Variants in CPLANE1 observed in about 807,000 individuals in gnomAD.
CPLANE1 encodes the protein ciliogenesis and planar polarity effector complex subunit 1.
CPLANE1 carries 263 observed loss-of-function variants against 362.5 expected under a neutral mutation model. That is an observed-to-expected ratio of 0.73 (90% CI 0.66 to 0.80). The LOEUF is 0.80. Ranked by LOEUF, CPLANE1 falls within the 30% of genes least tolerant of loss-of-function variation. CPLANE1 has a pLI of 0.00. For synonymous variants in CPLANE1, 1,212 were observed against 1,302.6 expected (o/e 0.93, Z 1.50); for missense variants, 3,461 against 3,793.4 (o/e 0.91, Z 2.30).
At chr5:37,078,282 T>C in the CPLANE1 span, among the ~76,000 whole-genome samples, 13 of 152,290 alleles carry the variant, frequency 8.5e-5, no homozygotes, top group Admixed American at 5.9e-4. Flanking sequence ...CACTTATAAG[T>C]GAGAATATGC....
At chr5:37,175,253 G>C (rs1448564563) in intron 31 of CPLANE1, among the ~76,000 whole-genome samples, 1 of 152,192 alleles carries the variant, frequency 6.6e-6, no homozygotes, top group Admixed American at 6.5e-5. Context: ...CTGAGCTGTA[G>C]GTACAGCTGG....
the CPLANE1 span, among the ~76,000 whole-genome samples, chr5:37,081,203 T>A: frequency 6.3e-4 from 95 of 151,866 alleles, no homozygotes; most frequent in African/African-American, 2.1e-3. Context: ...TGACCCAGAG[T>A]CCAGAGAAAA....
intron 43 of CPLANE1, among the ~76,000 whole-genome samples, chr5:37,147,206 G>T (rs572016158): frequency 6.6e-6 from 1 of 152,184 alleles, no homozygotes; most frequent in Admixed American, 6.5e-5. Context: ...AAAATGTTTG[G>T]CCTCTTCAAA....
rs111314334 is a variant in CPLANE1 at position 37,242,677 on chromosome 5, T to G, written c.677+336A>C. 0.013 allele frequency among the ~76,000 whole-genome samples: 2,013 copies of G among 152,226 alleles called. 45 individuals carry two copies. Among genetic ancestry groups the G allele is most frequent in the African/African-American group, 0.045 (1,884 of 41,530 alleles). On this transcript the variant is annotated intron_variant, in intron 6 of 52. Coordinates refer to ENST00000651892, the MANE Select transcript of CPLANE1 (RefSeq NM_001384732.1). ...TCAGAACTTGAAACTCACAATAACA[T>G]TTACAAATTTTATTACATGTATATG...
At chr5:37,086,441 T>C in the CPLANE1 span, among the ~76,000 whole-genome samples, 1 of 152,208 alleles carries the variant, frequency 6.6e-6, no homozygotes, top group Non-Finnish European at 1.5e-5. Flanking sequence ...ACAAACCTTC[T>C]TGGAAGGCCA....
At chr5:37,216,719 T>C (rs1386537518) in intron 15 of CPLANE1, among the ~76,000 whole-genome samples, 3 of 152,206 alleles carry the variant, frequency 2.0e-5, no homozygotes, top group Non-Finnish European at 4.4e-5. Flanking sequence ...CATTCACAAA[T>C]TTGAAAATAA....
At chr5:37,224,183 G>T (rs1795952797) in intron 14 of CPLANE1, 70 bp downstream of exon 14, 2 of 1,013,626 alleles carry the variant, frequency 2.0e-6, no homozygotes, top group Non-Finnish European at 2.9e-6. Flanking sequence ...TAGAATTACT[G>T]TTAAGGTCTA....
intron 46 of CPLANE1, among the ~76,000 whole-genome samples, chr5:37,134,631 G>A (rs75277534): frequency 2.0e-5 from 3 of 151,800 alleles, no homozygotes; most frequent in Admixed American, 6.6e-5. Flanking sequence ...TTTGGTTCTC[G>A]ATTTTGTTCA....
chr5:37,143,867 A>C (rs1770559380), intron 43 of CPLANE1, among the ~76,000 whole-genome samples: 2 of 151,260 alleles, frequency 1.3e-5, no homozygotes, highest in Non-Finnish European at 2.9e-5. Flanking sequence ...CCTGCGAGGC[A>C]GGGGATGTGG....
intron 34 of CPLANE1, 32 bp downstream of exon 34, chr5:37,168,759 T>C: frequency 6.4e-7 from 1 of 1,567,942 alleles, no homozygotes; most frequent in Non-Finnish European, 8.7e-7. Flanking sequence ...TGCAGGACAC[T>C]GCTTTTGCAT....
intron 46 of CPLANE1, among the ~76,000 whole-genome samples, chr5:37,126,842 GT>G (rs946730327): frequency 1.3e-5 from 2 of 151,676 alleles, no homozygotes; most frequent in African/African-American, 2.4e-5. Flanking sequence ...ATTTTAAAAA[GT>G]TTTTTTTTAA....
downstream of CPLANE1, among the ~76,000 whole-genome samples, chr5:37,102,389 T>A (rs1757337038): frequency 1.3e-5 from 2 of 152,054 alleles, no homozygotes; most frequent in African/African-American, 4.8e-5. Flanking sequence ...GATCTCACCA[T>A]GTTAGCCAGG....
chr5:37,120,498 G>C (rs994318927), intron 49 of CPLANE1, among the ~76,000 whole-genome samples, 158 bp from the exon 50 acceptor site: 10 of 152,082 alleles, frequency 6.6e-5, no homozygotes, highest in African/African-American at 2.2e-4. Flanking sequence ...GGAACCCAGA[G>C]AGTCGAGGCT....
the CPLANE1 span, chr5:37,085,088 G>C: frequency 1.4e-6 from 1 of 728,356 alleles, no homozygotes; most frequent in Non-Finnish European, 2.6e-6. Flanking sequence ...ATCTGAAGTA[G>C]GTAGCAACTC....
chr5:37,194,885 G>A (rs1786822690), intron 21 of CPLANE1, among the ~76,000 whole-genome samples: 1 of 151,848 alleles, frequency 6.6e-6, no homozygotes, highest in Non-Finnish European at 1.5e-5. Flanking sequence ...AGGCGCGGTG[G>A]CTCACACCTG....
chr5:37,237,586 C>T (rs549202920), intron 8 of CPLANE1, among the ~76,000 whole-genome samples: 1 of 152,218 alleles, frequency 6.6e-6, no homozygotes, highest in Non-Finnish European at 1.5e-5. Context: ...GTGGCTTACG[C>T]CTGTAATCCG....
chr5:37,120,228 G>T lies in CPLANE1; in HGVS notation c.9298C>A (p.Pro3100Thr). 1.9e-6 allele frequency: 3 copies of T among 1,602,174 alleles called. No homozygotes were observed. The South Asian group carries it at 3.4e-5, about 18-fold the overall frequency. Residue 3100 changes from proline to threonine, a missense_variant, in exon 50 of 53, where the codon CCT becomes ACT. Coordinates refer to ENST00000651892, the MANE Select transcript of CPLANE1 (RefSeq NM_001384732.1). Reference protein sequence around the residue: ...RKSFGQPQGSPWPHGTATFTI... With the variant: ...RKSFGQPQGSTWPHGTATFTI... ...CTTTAAGTCTTACCATGTGGCCAAGGTGAGCCTTGAGGTTGCCCAAAAGAC... is the reference window on the plus strand; with the variant it reads ...CTTTAAGTCTTACCATGTGGCCAAGTTGAGCCTTGAGGTTGCCCAAAAGAC...
At chr5:37,205,727 GT>G (rs1350151057) in intron 17 of CPLANE1, among the ~76,000 whole-genome samples, 1 of 152,074 alleles carries the variant, frequency 6.6e-6, no homozygotes, top group Non-Finnish European at 1.5e-5. Flanking sequence ...GTTTTTGTTT[GT>G]TTTGAGACAG....
chr5:37,120,365 T>C (rs977009907), intron 49 of CPLANE1, 25 bp from the exon 50 acceptor site: 1 of 1,536,352 alleles, frequency 6.5e-7, no homozygotes, highest in Non-Finnish European at 8.7e-7. Context: ...ACATAATTAT[T>C]ACATTCCCAG....
Sources: allele counts gnomAD v4.1 joint callset (sites outside exome capture counted in the v4.1 genomes callset), GRCh38; gene constraint gnomAD v4.1.1; transcripts MANE v1.5; gene names NCBI Gene and HGNC (gene_info 2026-07-23, HGNC 2026-07-21).